ROBO2: variants seen among roughly 807,000 people sequenced by gnomAD.
ROBO2 encodes the protein roundabout guidance receptor 2.
A neutral mutation model predicts 160.8 loss-of-function variants in ROBO2; 53 were observed. The observed-to-expected ratio is 0.33, with a 90% CI of 0.26 to 0.41. ROBO2 has a LOEUF of 0.41. Ranked by LOEUF, ROBO2 falls within the 10% of genes least tolerant of loss-of-function variation. ROBO2 has a pLI of 1.00. For missense variants in ROBO2, 1,577 were observed against 1,722.4 expected (o/e 0.92, Z 1.49); for synonymous variants, 664 against 611.7 (o/e 1.09, Z -1.26).
intron 2 of ROBO2, among the ~76,000 whole-genome samples, chr3:77,376,145 T>C (rs891067945): frequency 1.5e-5 from 2 of 136,314 alleles, no homozygotes; most frequent in Non-Finnish European, 3.0e-5. Flanking sequence ...ACAATAGGCA[T>C]TTAACTTTCT....
intron 2 of ROBO2, among the ~76,000 whole-genome samples, chr3:76,426,989 A>T (rs1419995975): frequency 6.6e-6 from 1 of 152,144 alleles, no homozygotes; most frequent in Non-Finnish European, 1.5e-5. Context: ...CTAATTGCTT[A>T]TTTAGCAACA....
At chr3:76,381,223 C>T (rs559808886) in intron 2 of ROBO2, among the ~76,000 whole-genome samples, 2 of 151,946 alleles carry the variant, frequency 1.3e-5, no homozygotes, top group Admixed American at 1.3e-4. Context: ...AATTATTGTT[C>T]ATGAAAAAGT....
intron 2 of ROBO2, among the ~76,000 whole-genome samples, chr3:77,232,168 C>T (rs2087301193): frequency 6.6e-6 from 1 of 152,104 alleles, no homozygotes; most frequent in African/African-American, 2.4e-5. Flanking sequence ...TATAAAGTTG[C>T]ATTCTGGTGA....
At chr3:76,276,030 C>T (rs1707898897) in intron 2 of ROBO2, among the ~76,000 whole-genome samples, 1 of 151,864 alleles carries the variant, frequency 6.6e-6, no homozygotes, top group Non-Finnish European at 1.5e-5. Context: ...AGATAATTAA[C>T]ATATAAGTAC....
intron 2 of ROBO2, among the ~76,000 whole-genome samples, chr3:75,948,811 C>A (rs532065623): frequency 6.6e-6 from 1 of 152,090 alleles, no homozygotes; most frequent in African/African-American, 2.4e-5. Context: ...TTTCATTATA[C>A]TACTTAGCTG....
chr3:76,144,135 T>C (rs994725038), intron 2 of ROBO2, among the ~76,000 whole-genome samples: 1 of 151,988 alleles, frequency 6.6e-6, no homozygotes, highest in African/African-American at 2.4e-5. Flanking sequence ...CCAGCTAATT[T>C]GACACATAAA....
intron 2 of ROBO2, among the ~76,000 whole-genome samples, chr3:76,309,132 T>C (rs909345992): frequency 1.4e-4 from 22 of 152,188 alleles, no homozygotes; most frequent in African/African-American, 5.3e-4. Flanking sequence ...ATGGGTTTAG[T>C]TGTAGAGTCC....
At chr3:77,206,638 T>TA (rs1341549307) in intron 2 of ROBO2, among the ~76,000 whole-genome samples, 1 of 152,168 alleles carries the variant, frequency 6.6e-6, no homozygotes, top group Non-Finnish European at 1.5e-5. Context: ...GTCTCACTCA[T>TA]AAAGAAGATA....
At chr3:77,398,973 G>A (rs934171198) in intron 2 of ROBO2, among the ~76,000 whole-genome samples, 1 of 152,028 alleles carries the variant, frequency 6.6e-6, no homozygotes, top group African/African-American at 2.4e-5. Flanking sequence ...CCTTCTAAAA[G>A]TGATACAGTC....
chr3:77,281,632 A>T (rs2060246466), intron 2 of ROBO2, among the ~76,000 whole-genome samples: 1 of 152,142 alleles, frequency 6.6e-6, no homozygotes, highest in Non-Finnish European at 1.5e-5. Flanking sequence ...AAAATAACAT[A>T]TTATTTGCCT....
chr3:76,512,432 A>G (rs752412410), intron 2 of ROBO2, among the ~76,000 whole-genome samples: 22 of 151,950 alleles, frequency 1.4e-4, no homozygotes, highest in Non-Finnish European at 3.2e-4. Context: ...CAGCAGATAC[A>G]GGTATTCTGG....
chr3:76,376,180 G>A (rs1489264257), intron 2 of ROBO2, among the ~76,000 whole-genome samples: 1 of 151,892 alleles, frequency 6.6e-6, no homozygotes, highest in Non-Finnish European at 1.5e-5. Flanking sequence ...TTCTTAATGA[G>A]CCTACTTTAT....
chr3:77,278,830 A>C (rs2060057474), intron 2 of ROBO2, among the ~76,000 whole-genome samples: 1 of 152,162 alleles, frequency 6.6e-6, no homozygotes, highest in Admixed American at 6.5e-5. Flanking sequence ...AATAGCCACC[A>C]GGAGGAAAAA....
intron 1 of ROBO2, among the ~76,000 whole-genome samples, chr3:75,924,846 G>A (rs1264878995): frequency 2.6e-5 from 4 of 151,200 alleles, no homozygotes; most frequent in East Asian, 2.0e-4. Context: ...CTGCCACCAC[G>A]CCAGGCTTAT....
At chr3:77,076,779 G>T (rs368486124) in intron 1 of ROBO2, among the ~76,000 whole-genome samples, 1 of 152,206 alleles carries the variant, frequency 6.6e-6, no homozygotes, top group South Asian at 2.1e-4. Flanking sequence ...TATAAGCTTG[G>T]CCTTACAGAC....
chr3:77,441,677 T>C (rs1013336900), intron 2 of ROBO2, among the ~76,000 whole-genome samples: 2 of 151,992 alleles, frequency 1.3e-5, no homozygotes, highest in African/African-American at 4.8e-5. Context: ...TCACACAGAG[T>C]AACAGTTAGA....
intron 2 of ROBO2, among the ~76,000 whole-genome samples, chr3:76,999,309 G>A (rs764695714): frequency 2.6e-5 from 4 of 151,880 alleles, no homozygotes; most frequent in Non-Finnish European, 5.9e-5. Flanking sequence ...AGTAAGAGAG[G>A]GCACTCAAGG....
chr3:77,011,233 G>T (rs113624478), intron 2 of ROBO2, among the ~76,000 whole-genome samples: 23 of 150,976 alleles, frequency 1.5e-4, no homozygotes, highest in African/African-American at 5.3e-4. Flanking sequence ...TAAGCCCAAT[G>T]AATGTAGGAA....
At chr3:76,550,227 C>T (rs1277089579) in intron 2 of ROBO2, among the ~76,000 whole-genome samples, 2 of 152,140 alleles carry the variant, frequency 1.3e-5, no homozygotes, top group African/African-American at 4.8e-5. Context: ...ACTCGCATTC[C>T]TGTGTCACAT....
Sources: gnomAD v4.1 joint callset for allele counts (sites outside exome capture counted in the v4.1 genomes callset) on GRCh38, gnomAD v4.1.1 for gene constraint, MANE v1.5 for transcripts, NCBI Gene and HGNC (gene_info 2026-07-23, HGNC 2026-07-21) for gene names.